RALGAPA1: variants seen among roughly 807,000 people sequenced by gnomAD.
RALGAPA1 encodes the protein Ral GTPase activating protein catalytic subunit alpha 1.
RALGAPA1 carries 52 observed loss-of-function variants against 269.6 expected under a neutral mutation model. The observed-to-expected ratio is 0.19, with a 90% CI of 0.15 to 0.24. RALGAPA1 has a LOEUF of 0.24. Ranked by LOEUF, RALGAPA1 falls within the 10% of genes least tolerant of loss-of-function variation. The pLI, the probability that RALGAPA1 is intolerant of heterozygous loss-of-function variation, is 1.00. For synonymous variants in RALGAPA1, 817 were observed against 1,008.3 expected (o/e 0.81, Z 3.60); for missense variants, 1,917 against 3,013.9 (o/e 0.64, Z 8.52).
chr14:35,656,589 T>G (rs2063190921), intron 28 of RALGAPA1, among the ~76,000 whole-genome samples: 1 of 152,224 alleles, frequency 6.6e-6, no homozygotes, highest in Non-Finnish European at 1.5e-5. Context: ...ATAATGGTTC[T>G]AAGTATCAAA....
chr14:35,660,090 G>T lies in RALGAPA1; in HGVS notation c.5329-894C>A, dbSNP rs529930557. 1.9e-4 allele frequency among the ~76,000 whole-genome samples: 29 copies of T among 152,046 alleles called. No homozygotes were observed. In the South Asian group the frequency reaches 5.2e-3, roughly 27 times the overall value. ...CATAATCAACAGCGAAAAGCTGAAA[G>T]GTTTTACTTTAAGATTAGGAACAAG... is the stretch of plus-strand genomic sequence containing the variant. On this transcript the variant is annotated intron_variant, in intron 27 of 41. Coordinates refer to ENST00000680220, the MANE Select transcript of RALGAPA1 (RefSeq NM_001346249.2).
intron 37 of RALGAPA1, among the ~76,000 whole-genome samples, chr14:35,577,922 A>G (rs1338425038): frequency 6.6e-6 from 1 of 152,070 alleles, no homozygotes; most frequent in Non-Finnish European, 1.5e-5. Context: ...TTTTTAAAAA[A>G]GTATATTCCT....
chr14:35,646,827 T>A (rs982810881), intron 31 of RALGAPA1, among the ~76,000 whole-genome samples: 1 of 152,230 alleles, frequency 6.6e-6, no homozygotes, highest in Non-Finnish European at 1.5e-5. Flanking sequence ...GTCAGCAGTA[T>A]ACACATTTAT....
intron 16 of RALGAPA1, among the ~76,000 whole-genome samples, chr14:35,718,063 C>T (rs2069007268): frequency 6.6e-6 from 1 of 152,132 alleles, no homozygotes; most frequent in Non-Finnish European, 1.5e-5. Context: ...ATAAGCTTTC[C>T]CTGACCTCCC....
chr14:35,807,303 T>C (rs925279138), intron 1 of RALGAPA1, among the ~76,000 whole-genome samples: 3 of 152,234 alleles, frequency 2.0e-5, no homozygotes, highest in Non-Finnish European at 4.4e-5. Context: ...TTTATTTCAA[T>C]GGCTTAACTC....
intron 16 of RALGAPA1, among the ~76,000 whole-genome samples, chr14:35,711,029 C>T (rs1209652513): frequency 6.6e-6 from 1 of 152,230 alleles, no homozygotes; most frequent in East Asian, 1.9e-4. Context: ...GACACGACTG[C>T]ATAATTAGCT....
chr14:35,601,372 C>T (rs536817654), intron 36 of RALGAPA1, among the ~76,000 whole-genome samples: 1 of 152,280 alleles, frequency 6.6e-6, no homozygotes, highest in Admixed American at 6.5e-5. Context: ...CTATTTGATA[C>T]TAGCCCAGTG....
In RALGAPA1 at chr14:35,752,016, T is replaced by C. The variant is rs772778866; in HGVS notation, c.802+8A>G. ...GTGATCTTTCAGAAAATTTCAAACA[T>C]TACCTACCAAGTATAGGATGATATA... On this transcript the variant is annotated splice_region_variant and intron_variant, in intron 8 of 41. Transcript: ENST00000680220. The C allele has an allele frequency of 5.9e-5, 93 of 1,570,858 alleles. No individual in the cohort carries two copies. The highest frequency in any genetic ancestry group is 8.0e-5 in the Non-Finnish European group (93 of 1,164,440).
chr14:35,646,032 T>C (rs563677406), intron 31 of RALGAPA1, among the ~76,000 whole-genome samples: 2 of 152,112 alleles, frequency 1.3e-5, no homozygotes, highest in Admixed American at 6.5e-5. Context: ...TTACAAATCA[T>C]TGCATAAAAT....
rs544842657 is a variant in RALGAPA1 at position 35,711,973 on chromosome 14, G to A, written c.2266+9715C>T. 1.4e-4 allele frequency among the ~76,000 whole-genome samples: 21 copies of A among 152,240 alleles called. No homozygotes were observed. The South Asian group carries it at 2.1e-3, about 15-fold the overall frequency. On this transcript the variant is annotated intron_variant, in intron 16 of 41. Coordinates refer to ENST00000680220, the MANE Select transcript of RALGAPA1 (RefSeq NM_001346249.2). ...TAATTAAGAATAAAAAAGGCTGGGC[G>A]CGGTGGCTCACGCCTATAATCCCAG...
At chr14:35,774,220 G>A (rs1567203788) in intron 3 of RALGAPA1, among the ~76,000 whole-genome samples, 1 of 152,080 alleles carries the variant, frequency 6.6e-6, no homozygotes, top group Admixed American at 6.6e-5. Context: ...ACAGCCAAGA[G>A]TGAATTATCT....
chr14:35,759,675 C>G (rs577832502), intron 6 of RALGAPA1, among the ~76,000 whole-genome samples: 1 of 151,316 alleles, frequency 6.6e-6, no homozygotes, highest in South Asian at 2.1e-4. Context: ...TTTGGGAGTC[C>G]GAGGCGGACC....
chr14:35,764,746 T>G (rs1482571411), intron 4 of RALGAPA1, among the ~76,000 whole-genome samples: 3 of 151,832 alleles, frequency 2.0e-5, no homozygotes, highest in South Asian at 4.2e-4. Context: ...GGTTTTGTCA[T>G]GTTGCCCAGG....
At position 35,728,367 on chromosome 14, in the gene RALGAPA1, C is replaced by T. The variant is rs761133464; in HGVS notation, c.1731G>A (p.Lys577=). ...AAGGATAAAAATTTTTTTACCAAGT[C>T]TTTTTGTCCATTGATACTTGTACAA... ...YMVVQVSMDK[K]TWEQMLLVLL... Residue 577 remains lysine, a synonymous_variant, in exon 13 of 42, where the codon AAG becomes AAA. Transcript: ENST00000680220. 6.4e-7 allele frequency: 1 copy of T among 1,558,142 alleles called. No individual in the cohort carries two copies. Among genetic ancestry groups the T allele is most frequent in the African/African-American group, 1.4e-5 (1 of 72,400 alleles).
chr14:35,554,108 A>T (rs1239225789), intron 39 of RALGAPA1, among the ~76,000 whole-genome samples: 1 of 152,160 alleles, frequency 6.6e-6, no homozygotes, highest in Non-Finnish European at 1.5e-5. Context: ...AGTACAACTT[A>T]AATCATATTT....
At chr14:35,766,205 G>A in intron 4 of RALGAPA1, 1 of 828,448 alleles carries the variant, frequency 1.2e-6, no homozygotes, top group Non-Finnish European at 2.1e-6. Flanking sequence ...TCATTTCCCT[G>A]GAGGATTTGA....
At chr14:35,557,922 G>T (rs974422331) in intron 39 of RALGAPA1, among the ~76,000 whole-genome samples, 1 of 152,008 alleles carries the variant, frequency 6.6e-6, no homozygotes, top group African/African-American at 2.4e-5. Flanking sequence ...CAGCTGAAAA[G>T]AAAGAATCAT....
chr14:35,624,595 GA>G (rs376384595), intron 35 of RALGAPA1, among the ~76,000 whole-genome samples: 54 of 136,540 alleles, frequency 4.0e-4, no homozygotes, highest in East Asian at 6.3e-4. Context: ...AGTACAAATA[GA>G]AAAAAAAAAA....
At chr14:35,682,964 C>G (rs1245216886) in intron 21 of RALGAPA1, among the ~76,000 whole-genome samples, 1 of 152,160 alleles carries the variant, frequency 6.6e-6, no homozygotes, top group Admixed American at 6.6e-5. Context: ...TTACCTCTGT[C>G]TGGGCTGGCT....
Sources: gnomAD v4.1 joint callset for allele counts (sites outside exome capture counted in the v4.1 genomes callset) on GRCh38, gnomAD v4.1.1 for gene constraint, MANE v1.5 for transcripts, NCBI Gene and HGNC (gene_info 2026-07-23, HGNC 2026-07-21) for gene names.